FKBP5: variants seen among roughly 807,000 people sequenced by gnomAD.
The protein encoded by FKBP5 is peptidyl-prolyl cis-trans isomerase FKBP5.
In FKBP5, 23 loss-of-function variants were observed where a neutral mutation model predicts 50.5. That is an observed-to-expected ratio of 0.46 (90% CI 0.33 to 0.65). The LOEUF is 0.65. FKBP5 is among the 30% of genes least tolerant of loss of function. FKBP5 has a pLI of 0.02. For missense variants in FKBP5, 411 were observed against 553.1 expected (o/e 0.74, Z 2.58); for synonymous variants, 176 against 190.6 (o/e 0.92, Z 0.63).
chr6:35,700,017 A>T (rs1240812390), intron 2 of FKBP5, among the ~76,000 whole-genome samples: 1 of 152,024 alleles, frequency 6.6e-6, no homozygotes, highest in Non-Finnish European at 1.5e-5. Context: ...ACTGCACTCC[A>T]GTCTGGGCGA....
chr6:35,630,882 T>G (rs1764133636), intron 3 of FKBP5, among the ~76,000 whole-genome samples: 1 of 152,104 alleles, frequency 6.6e-6, no homozygotes, highest in Non-Finnish European at 1.5e-5. Flanking sequence ...CGAAGACCAA[T>G]TAAGAAAATA....
At chr6:35,640,370 G>A (rs1764449269) in intron 2 of FKBP5, among the ~76,000 whole-genome samples, 1 of 152,048 alleles carries the variant, frequency 6.6e-6, no homozygotes, top group Non-Finnish European at 1.5e-5. Context: ...ATAGAAAAAG[G>A]TACAGTAATA....
Position 35,637,078 on chromosome 6 carries a change from T to G in FKBP5, c.186A>C (p.Ser62=). 1 of 1,611,230 alleles carries G rather than the reference T, an allele frequency of 6.2e-7. No individual in the cohort carries two copies. The highest frequency in any genetic ancestry group is 8.5e-7 in the Non-Finnish European group (1 of 1,179,452). ...KVYVHYKGKL[S]NGKKFDSSHD... is the part of the protein sequence containing the mutation. ...GACTGGAATCAAACTTCTTTCCATT[T>G]GACAATTTTCCTTTGTAATGGACAT... Residue 62 remains serine (S), a synonymous_variant, in exon 3 of 11, where the codon TCA becomes TCC. Transcript: ENST00000357266.
intron 1 of FKBP5, among the ~76,000 whole-genome samples, chr6:35,678,750 A>G (rs901116176): frequency 6.6e-6 from 1 of 152,200 alleles, no homozygotes; most frequent in African/African-American, 2.4e-5. Context: ...CACCAATACT[A>G]CCACTGTTTT....
chr6:35,590,225 G>A (rs934911947), intron 7 of FKBP5, among the ~76,000 whole-genome samples: 2 of 152,136 alleles, frequency 1.3e-5, no homozygotes, highest in Non-Finnish European at 2.9e-5. Flanking sequence ...CTTGAGCCCA[G>A]GAAGTTGAGG....
intron 1 of FKBP5, among the ~76,000 whole-genome samples, chr6:35,678,954 A>G (rs1217557365): frequency 6.6e-6 from 1 of 152,182 alleles, no homozygotes; most frequent in Non-Finnish European, 1.5e-5. Context: ...ATGGTGATGC[A>G]TACCTGTAAT....
intron 8 of FKBP5, chr6:35,584,115 C>T (rs1762529555): frequency 4.1e-6 from 4 of 985,434 alleles, no homozygotes; most frequent in Non-Finnish European, 3.6e-6. Flanking sequence ...TCCTGCAGAA[C>T]ACTGTCAGCT....
In FKBP5 at chr6:35,640,192, G is replaced by A. The variant is rs186158240; in HGVS notation, c.105+2528C>T. 6.6e-4 allele frequency among the ~76,000 whole-genome samples: 100 copies of A among 152,302 alleles called. 1 individual carries two copies. The highest frequency in any genetic ancestry group is 2.3e-3 in the African/African-American group (95 of 41,560). ...ATGATTTCATCCTTATGTGAACATC[G>A]CAGAGTGTACTTACACAAACCTAGA... On this transcript the variant is annotated intron_variant, in intron 2 of 10. Transcript: ENST00000357266.
At chr6:35,720,080 G>C (rs1352671580) in intron 2 of FKBP5, among the ~76,000 whole-genome samples, 1 of 152,258 alleles carries the variant, frequency 6.6e-6, no homozygotes, top group Non-Finnish European at 1.5e-5. Context: ...TGGGAGAGCA[G>C]GCTAGGGATC....
chr6:35,580,526 C>CTTTTTTTT (rs34594222), intron 8 of FKBP5: 4 of 54,670 alleles, frequency 7.3e-5, no homozygotes, highest in African/African-American at 3.2e-4. Flanking sequence ...ATTCTTTAGT[C>CTTTTTTTT]TTTTTTTTTT....
chr6:35,673,723 C>A (rs1765454741), intron 1 of FKBP5, among the ~76,000 whole-genome samples: 1 of 152,122 alleles, frequency 6.6e-6, no homozygotes, highest in Non-Finnish European at 1.5e-5. Flanking sequence ...CTGAGAAATA[C>A]AATCATGGGC....
At position 35,700,724 on chromosome 6, in the gene FKBP5, G is replaced by A. The variant is rs140078496; in HGVS notation, c.-20+19604C>T. On this transcript the variant is annotated intron_variant, in intron 2 of 11. Transcript: ENST00000536438. ...TGCAATCCCAGCACTTTGGGAGGCC[G>A]AGGTGGGCGGATCACCTGAGGTCAG... 2.5e-3 allele frequency among the ~76,000 whole-genome samples: 381 copies of A among 152,276 alleles called. 3 individuals are homozygous for A. Among genetic ancestry groups the A allele is most frequent in the African/African-American group, 8.7e-3 (361 of 41,568 alleles).
At chr6:35,727,986 C>T (rs1766753956) in intron 1 of FKBP5, among the ~76,000 whole-genome samples, 1 of 152,202 alleles carries the variant, frequency 6.6e-6, no homozygotes. Context: ...CTCGCCAACC[C>T]CTGCCCCAGC....
intron 2 of FKBP5, among the ~76,000 whole-genome samples, chr6:35,639,326 T>C: frequency 6.6e-6 from 1 of 152,206 alleles, no homozygotes; most frequent in Non-Finnish European, 1.5e-5. Context: ...ACTAGACCTA[T>C]TTAAATCTTA....
In FKBP5 at chr6:35,597,666, G is replaced by A. The variant is rs138072434; in HGVS notation, c.509-262C>T. Among the ~76,000 whole-genome samples, 634 of 152,188 alleles carry A rather than the reference G, an allele frequency of 4.2e-3. 4 individuals carry two copies. The highest frequency in any genetic ancestry group is 0.014 in the African/African-American group (584 of 41,498). ...TAGTGGGTAACAAACCAGAAACACA[G>A]GTTTATTCTAAGCCTACTATGTGAC... On this transcript the variant is annotated intron_variant, in intron 5 of 10. Transcript: ENST00000357266.
chr6:35,716,159 G>C (rs1766507615), intron 2 of FKBP5, among the ~76,000 whole-genome samples: 1 of 152,054 alleles, frequency 6.6e-6, no homozygotes, highest in African/African-American at 2.4e-5. Context: ...ATTGCTTGAG[G>C]CCAGGAGTTC....
At chr6:35,656,682 G>A (rs1764957765) in intron 1 of FKBP5, among the ~76,000 whole-genome samples, 2 of 152,136 alleles carry the variant, frequency 1.3e-5, no homozygotes, top group Non-Finnish European at 2.9e-5. Flanking sequence ...TTGAGGTCAG[G>A]AGTTCGAGAT....
intron 5 of FKBP5, chr6:35,607,743 T>G (rs1447357732): frequency 5.2e-6 from 1 of 192,646 alleles, no homozygotes; most frequent in Non-Finnish European, 1.2e-5. Context: ...TATACCAAGT[T>G]CGTGCCGGAC....
rs1219551142 is a variant in FKBP5 at position 35,637,116 on chromosome 6, C to T, written c.148G>A (p.Gly50Arg). 2 of 1,610,414 alleles carry T rather than the reference C, an allele frequency of 1.2e-6. No homozygotes were observed. The highest frequency in any genetic ancestry group is 4.5e-5 in the East Asian group (2 of 44,670). ...VGNGEETPMI[G>R]DKVYVHYKGK... ...TTGTAATGGACATAAACTTTGTCTCCAATCATCGGCGTTTCCTCACCATTC... is the reference window on the plus strand; with the variant it reads ...TTGTAATGGACATAAACTTTGTCTCTAATCATCGGCGTTTCCTCACCATTC... Residue 50 changes from glycine (G) to arginine (R), a missense_variant, in exon 3 of 11, where the codon GGA (glycine) becomes AGA (arginine). By Grantham distance (125) the Gly-to-Arg change is moderately radical. Coordinates refer to ENST00000357266, the MANE Select transcript of FKBP5 (RefSeq NM_004117.4).
Sources: gnomAD v4.1 joint callset for allele counts (sites outside exome capture counted in the v4.1 genomes callset) on GRCh38, gnomAD v4.1.1 for gene constraint, MANE v1.5 for transcripts, NCBI Gene and HGNC (gene_info 2026-07-23, HGNC 2026-07-21) for gene names.